The following EIF2S2 variants were observed in gnomAD, a reference collection of about 807,000 sequenced individuals.
EIF2S2 encodes eukaryotic translation initiation factor 2 subunit beta.
A neutral mutation model predicts 44.0 loss-of-function variants in EIF2S2; 4 were observed. That is an observed-to-expected ratio of 0.09 (90% CI 0.04 to 0.21). The LOEUF (loss-of-function observed/expected upper bound fraction) is 0.21. EIF2S2 is among the 10% of genes least tolerant of loss of function. The probability of loss-of-function intolerance (pLI) is 1.00; values close to 1 mark genes in which losing one functional copy is unlikely to be tolerated. For synonymous variants in EIF2S2, 108 were observed against 128.3 expected (o/e 0.84, Z 1.07); for missense variants, 154 against 392.0 (o/e 0.39, Z 5.13).
In EIF2S2 at chr20:34,089,790, G is replaced by A. The variant is rs1330168267; in HGVS notation, c.942C>T (p.Ile314=). ...CCGTGACAGCCTGGAAGCCGGTTTT[G>A]ATACTGGCAACAGAACATCTAGAAT... The part of the protein sequence containing the change: ...TCHSRCSVAS[I]KTGFQAVTGK... Residue 314 remains isoleucine (I), a synonymous_variant, in exon 9 of 9, where the codon ATC becomes ATT. Coordinates refer to ENST00000374980, the MANE Select transcript of EIF2S2 (RefSeq NM_003908.5). 1 of 1,613,802 alleles carries A rather than the reference G, an allele frequency of 6.2e-7. No individual in the cohort carries two copies. The highest frequency in any genetic ancestry group is 1.7e-5 in the Admixed American group (1 of 60,004).
At chr20:34,110,549 G>A (rs1055729865) in intron 1 of EIF2S2, among the ~76,000 whole-genome samples, 1 of 152,178 alleles carries the variant, frequency 6.6e-6, no homozygotes, top group African/African-American at 2.4e-5. Flanking sequence ...GTCCTATGCC[G>A]AAATGCTGGT....
intron 3 of EIF2S2, among the ~76,000 whole-genome samples, chr20:34,102,918 A>G (rs537902764): frequency 3.3e-5 from 5 of 152,214 alleles, no homozygotes; most frequent in African/African-American, 9.6e-5. Context: ...GAATTTTGAG[A>G]TATTTGTATT....
At chr20:34,090,938 G>A (rs902372186) in intron 7 of EIF2S2, among the ~76,000 whole-genome samples, 26 of 151,958 alleles carry the variant, frequency 1.7e-4, no homozygotes, top group African/African-American at 6.3e-4. Context: ...GGTAGAGATG[G>A]AGGGGTCTCC....
At chr20:34,091,443 T>G (rs974200343) in intron 7 of EIF2S2, among the ~76,000 whole-genome samples, 16 of 152,142 alleles carry the variant, frequency 1.1e-4, no homozygotes, top group Non-Finnish European at 2.9e-5. Flanking sequence ...GGGCCAGGTG[T>G]GGTGGCTCAC....
chr20:34,099,675 G>T (rs2034273464), intron 3 of EIF2S2, among the ~76,000 whole-genome samples: 2 of 152,164 alleles, frequency 1.3e-5, no homozygotes, highest in African/African-American at 4.8e-5. Context: ...GGGTTCCCAT[G>T]CTGCCTGCTT....
chr20:34,089,612 G>A lies in EIF2S2; in HGVS notation c.*118C>T, dbSNP rs983756445. ...TGCAAGGACTTCAGACCAACCACTC[G>A]CCAAAAATCTTGGCAGCTTTTTTAT... On this transcript the variant is annotated 3_prime_UTR_variant, in exon 9 of 9. Coordinates refer to ENST00000374980, the MANE Select transcript of EIF2S2 (RefSeq NM_003908.5). The A allele has an allele frequency of 1.3e-5, 16 of 1,192,168 alleles. No individual in the cohort carries two copies. The highest frequency in any genetic ancestry group is 9.0e-5 in the Admixed American group (3 of 33,516). 73.8% of individuals were successfully genotyped at this position (1,192,168 alleles called of 1,614,324 possible). A position where few individuals can be genotyped will look rare whatever the true frequency, so the allele number is the denominator to read the frequency against.
intron 7 of EIF2S2, among the ~76,000 whole-genome samples, chr20:34,091,197 C>T (rs1304804946): frequency 6.6e-6 from 1 of 152,146 alleles, no homozygotes; most frequent in Non-Finnish European, 1.5e-5. Flanking sequence ...ATGTGACAGT[C>T]CATCCAACAA....
Position 34,089,721 on chromosome 20 carries a change from AT to A in EIF2S2, c.*8del. The A allele has an allele frequency of 1.9e-6, 3 of 1,604,748 alleles. No individual in the cohort carries two copies. Among genetic ancestry groups the A allele is most frequent in the Non-Finnish European group, 2.6e-6 (3 of 1,175,514 alleles). ...CACAACAAGCTTTGCAAAATCAGTGATTAGCAAATTAGTTAGCTTTGGCACG... is the reference window on the plus strand; with the variant it reads ...CACAACAAGCTTTGCAAAATCAGTGATAGCAAATTAGTTAGCTTTGGCACG... On this transcript the variant is annotated 3_prime_UTR_variant, in exon 9 of 9. Coordinates refer to ENST00000374980, the MANE Select transcript of EIF2S2 (RefSeq NM_003908.5).
intron 3 of EIF2S2, 117 bp from the exon 4 acceptor site, chr20:34,098,750 A>C (rs2034262024): frequency 7.9e-7 from 1 of 1,258,300 alleles, no homozygotes; most frequent in Non-Finnish European, 1.1e-6. Context: ...CTAGTCTCAA[A>C]CTCCTGGCCT....
chr20:34,091,535 G>A (rs1055649146), intron 7 of EIF2S2, among the ~76,000 whole-genome samples: 13 of 151,976 alleles, frequency 8.6e-5, no homozygotes, highest in Non-Finnish European at 1.6e-4. Flanking sequence ...GACCAATATG[G>A]TGGAACCCCG....
At position 34,097,564 on chromosome 20, in the gene EIF2S2, T is replaced by A. The variant is rs775363490; in HGVS notation, c.434-48A>T. 12 of 1,488,536 alleles carry A rather than the reference T, an allele frequency of 8.1e-6. No individual in the cohort carries two copies. The East Asian group carries it at 2.7e-4, about 34-fold the overall frequency. The allele number at this position is 1,488,536 out of a possible 1,614,324, so 92.2% of individuals were successfully genotyped here. A position where few individuals can be genotyped will look rare whatever the true frequency, so the allele number is the denominator to read the frequency against. ...GAATGAGGGGTGGGCCCTACTACAA[T>A]ACAAAAGTGGGGTGGGTCTAGAGAA... is the stretch of plus-strand genomic sequence containing the variant. On this transcript the variant is annotated intron_variant, in intron 4 of 8. Coordinates refer to ENST00000374980, the MANE Select transcript of EIF2S2 (RefSeq NM_003908.5).
intron 8 of EIF2S2, among the ~76,000 whole-genome samples, chr20:34,090,192 G>A (rs1328146606): frequency 6.6e-6 from 1 of 152,226 alleles, no homozygotes; most frequent in Non-Finnish European, 1.5e-5. Context: ...CAAACATGTT[G>A]ACAGACATGC....
At chr20:34,092,384 A>C (rs958861697) in intron 7 of EIF2S2, among the ~76,000 whole-genome samples, 1 of 152,246 alleles carries the variant, frequency 6.6e-6, no homozygotes, top group Non-Finnish European at 1.5e-5. Flanking sequence ...TTTATATTTA[A>C]AACATGCTGG....
At chr20:34,097,646 TA>T (rs546985558) in intron 4 of EIF2S2, 130 bp from the exon 5 acceptor site, 3 of 678,432 alleles carry the variant, frequency 4.4e-6, no homozygotes, top group South Asian at 4.0e-5. Flanking sequence ...ACAACAGCCT[TA>T]AGCATAAAGA....
At chr20:34,103,318 C>T (rs1011481296) in intron 3 of EIF2S2, 144 bp downstream of exon 3, 9 of 1,135,140 alleles carry the variant, frequency 7.9e-6, no homozygotes, top group Non-Finnish European at 9.7e-6. Flanking sequence ...AGACACACTC[C>T]CAAGAAAATG....
intron 1 of EIF2S2, among the ~76,000 whole-genome samples, chr20:34,109,164 G>T (rs779265084): frequency 1.3e-5 from 2 of 151,784 alleles, no homozygotes; most frequent in African/African-American, 4.8e-5. Context: ...ATCCCATTTT[G>T]AATCAAATAC....
At chr20:34,094,400 A>G (rs1012012254) in intron 6 of EIF2S2, among the ~76,000 whole-genome samples, 39 of 152,326 alleles carry the variant, frequency 2.6e-4, no homozygotes, top group African/African-American at 9.4e-4. Flanking sequence ...TTTTGAGACT[A>G]TCATAAAATA....
rs1159527242 is a variant in EIF2S2 at position 34,088,933 on chromosome 20, TGGA to T, written c.*794_*796del. 6.6e-6 allele frequency: 1 copy of T among 152,538 alleles called. No individual in the cohort carries two copies. The highest frequency in any genetic ancestry group is 1.9e-4 in the East Asian group (1 of 5,192). 9.4% of individuals were successfully genotyped at this position (152,538 alleles called of 1,614,324 possible). A position where few individuals can be genotyped will look rare whatever the true frequency, so the allele number is the denominator to read the frequency against. Reference sequence around the variant, plus strand: ...TCCCTGTTTGGACTCCTCCTCCTCTTGGAGGAGTTTCCTGAACCGCACACACAT... The same window carrying T: ...TCCCTGTTTGGACTCCTCCTCCTCTTGGAGTTTCCTGAACCGCACACACAT... On this transcript the variant is annotated 3_prime_UTR_variant, in exon 9 of 9. Transcript: ENST00000374980.
intron 1 of EIF2S2, among the ~76,000 whole-genome samples, chr20:34,111,790 T>G (rs895327176): frequency 1.3e-5 from 2 of 152,202 alleles, no homozygotes; most frequent in Non-Finnish European, 2.9e-5. Flanking sequence ...AGCCCCAGTC[T>G]CGTTCGGGGT....
Sources: allele counts gnomAD v4.1 joint callset (sites outside exome capture counted in the v4.1 genomes callset), GRCh38; gene constraint gnomAD v4.1.1; transcripts MANE v1.5; gene names NCBI Gene and HGNC (gene_info 2026-07-23, HGNC 2026-07-21).